Variants in XIRP2 observed in about 807,000 individuals in gnomAD.
XIRP2 encodes the protein xin actin binding repeat containing 2.
Under a neutral mutation model 277.0 loss-of-function variants are expected in XIRP2, and 236 were observed. The ratio of observed to expected loss-of-function variants is 0.85; its 90% CI spans 0.77 to 0.95. The LOEUF (loss-of-function observed/expected upper bound fraction) is 0.95, where lower values mean the gene tolerates loss of function less well. Among genes scored for constraint, XIRP2 ranks in the 40% least tolerant of loss-of-function variants. The pLI, the probability that XIRP2 is intolerant of heterozygous loss-of-function variation, is 0.00. For synonymous variants in XIRP2, 1,490 were observed against 1,416.5 expected, an observed-to-expected ratio of 1.05 and a Z score of -1.17; for missense variants, 4,640 against 4,157.5, an observed-to-expected ratio of 1.12 and a Z score of -3.19.
rs1695340930 is a variant in XIRP2, at chr2:167,248,144, A to G, written c.6752A>G (p.Gln2251Arg). The G allele has an allele frequency of 1.2e-6, 2 of 1,613,704 alleles. No homozygotes were observed. Among genetic ancestry groups the G allele is most frequent in the Non-Finnish European group, 1.7e-6 (2 of 1,179,812 alleles). ...GAGACTGATGTTCACTTGAAAAGCC[A>G]GGACTTTCTAATGAAAACAAATACT... Reference protein sequence around the residue: ...KRETDVHLKSQDFLMKTNTST... With the variant: ...KRETDVHLKSRDFLMKTNTST... The change falls in exon 9 of 11, where the codon CAG becomes CGG. Residue 2251 changes from glutamine (Q) to arginine (R), a missense_variant. Coordinates refer to ENST00000409195, the MANE Select transcript of XIRP2 (RefSeq NM_152381.6).
chr2:166,954,797 A>G (rs955592734), intron 2 of XIRP2, among the ~76,000 whole-genome samples: 4 of 151,962 alleles, frequency 2.6e-5, no homozygotes, highest in African/African-American at 7.2e-5. Context: ...CATTATCTTC[A>G]GCAAACTAAT....
intron 2 of XIRP2, among the ~76,000 whole-genome samples, chr2:167,093,908 G>T (rs754082479): frequency 6.6e-6 from 1 of 152,044 alleles, no homozygotes; most frequent in Non-Finnish European, 1.5e-5. Context: ...TTCCCCACTG[G>T]TTCAACTAAT....
intron 3 of XIRP2, among the ~76,000 whole-genome samples, chr2:167,150,516 G>A (rs1257829639): frequency 6.6e-6 from 1 of 151,974 alleles, no homozygotes; most frequent in African/African-American, 2.4e-5. Flanking sequence ...AATTACATAA[G>A]CGAATGACTG....
chr2:167,213,111 A>C (rs1694103183), intron 4 of XIRP2, among the ~76,000 whole-genome samples: 1 of 152,170 alleles, frequency 6.6e-6, no homozygotes, highest in Non-Finnish European at 1.5e-5. Flanking sequence ...ATCAGATGGC[A>C]TTTGGTTGTA....
At chr2:167,027,813 TA>T (rs1688216016) in intron 2 of XIRP2, among the ~76,000 whole-genome samples, 1 of 152,044 alleles carries the variant, frequency 6.6e-6, no homozygotes, top group Non-Finnish European at 1.5e-5. Context: ...AGAGAAGAAA[TA>T]ATTACTACTA....
At chr2:166,939,692 A>AAAC (rs1553471893) in intron 2 of XIRP2, among the ~76,000 whole-genome samples, 6 of 133,406 alleles carry the variant, frequency 4.5e-5, no homozygotes, top group African/African-American at 1.6e-4. Flanking sequence ...AAAAAAAAAA[A>AAAC]AAAAAACAAA....
intron 9 of XIRP2, 35 bp downstream of exon 9, chr2:167,251,982 C>T (rs754529699): frequency 2.6e-6 from 4 of 1,517,952 alleles, no homozygotes; most frequent in South Asian, 1.4e-5. Context: ...AGAAGATTAA[C>T]CATTTAAAGG....
Position 166,903,447 on chromosome 2 carries a change from G to C in XIRP2, c.-18-18G>C. 6.3e-7 allele frequency: 1 copy of C among 1,578,438 alleles called. No homozygotes were observed. Among genetic ancestry groups the C allele is most frequent in the Non-Finnish European group, 8.6e-7 (1 of 1,160,752 alleles). ...ACTCCTGAGTGTATCACTGATAAAA[G>C]GATTCTTGATATTGCAGGACAACCT... On this transcript the variant is annotated intron_variant, in intron 1 of 10. Transcript: ENST00000409195.
intron 1 of XIRP2, among the ~76,000 whole-genome samples, chr2:166,892,836 G>T (rs538370319): frequency 6.8e-6 from 1 of 147,214 alleles, no homozygotes; most frequent in African/African-American, 2.5e-5. Context: ...TAACTTCTAT[G>T]ATATGTTATA....
intron 2 of XIRP2, among the ~76,000 whole-genome samples, chr2:167,011,987 C>T (rs542495734): frequency 1.8e-4 from 28 of 151,744 alleles, no homozygotes; most frequent in African/African-American, 4.8e-4. Context: ...GTCTTGCTAG[C>T]GGTCTATCAA....
At chr2:167,118,156 C>G (rs193045228) in intron 2 of XIRP2, among the ~76,000 whole-genome samples, 61 of 152,182 alleles carry the variant, frequency 4.0e-4, no homozygotes, top group Admixed American at 1.8e-3. Context: ...GGTCATAAGG[C>G]CACCACCTTT....
chr2:167,114,081 G>A (rs1690830154), intron 2 of XIRP2, among the ~76,000 whole-genome samples: 1 of 151,998 alleles, frequency 6.6e-6, no homozygotes, highest in Non-Finnish European at 1.5e-5. Context: ...TTTCAATCTT[G>A]AAGAATTTCA....
At chr2:166,979,514 G>T (rs974157413) in intron 2 of XIRP2, among the ~76,000 whole-genome samples, 7 of 143,016 alleles carry the variant, frequency 4.9e-5, no homozygotes, top group Non-Finnish European at 1.1e-4. Flanking sequence ...TAAGAGTAGG[G>T]TTTTTTTTTT....
chr2:167,116,107 T>C (rs1250155332), intron 2 of XIRP2, among the ~76,000 whole-genome samples: 1 of 152,198 alleles, frequency 6.6e-6, no homozygotes, highest in Non-Finnish European at 1.5e-5. Flanking sequence ...ATGTTTATTT[T>C]GCCTTTCTTG....
intron 2 of XIRP2, among the ~76,000 whole-genome samples, chr2:167,117,911 A>G (rs1407029447): frequency 6.6e-6 from 1 of 152,218 alleles, no homozygotes; most frequent in African/African-American, 2.4e-5. Flanking sequence ...ACTTTCCGGT[A>G]AGTTGTCTCT....
intron 2 of XIRP2, among the ~76,000 whole-genome samples, chr2:167,059,064 T>C (rs1189821652): frequency 2.0e-5 from 3 of 151,592 alleles, no homozygotes; most frequent in African/African-American, 7.3e-5. Context: ...TTTTTAAAGT[T>C]GGTAAGCATT....
intron 2 of XIRP2, among the ~76,000 whole-genome samples, chr2:167,105,525 A>C (rs1354343288): frequency 6.6e-6 from 1 of 151,958 alleles, no homozygotes; most frequent in Admixed American, 6.6e-5. Context: ...CATGATATAG[A>C]CATACCAGAT....
intron 2 of XIRP2, among the ~76,000 whole-genome samples, chr2:166,909,732 A>C (rs1261921846): frequency 1.3e-5 from 2 of 152,232 alleles, no homozygotes; most frequent in East Asian, 3.8e-4. Context: ...TTGCCCATTT[A>C]GTATGATATT....
intron 5 of XIRP2, among the ~76,000 whole-genome samples, chr2:167,229,162 G>T (rs1414280035): frequency 6.6e-6 from 1 of 152,068 alleles, no homozygotes; most frequent in Non-Finnish European, 1.5e-5. Flanking sequence ...TTGACATAAT[G>T]GAATTTTATA....
Sources: allele counts gnomAD v4.1 joint callset (sites outside exome capture counted in the v4.1 genomes callset), GRCh38; gene constraint gnomAD v4.1.1; transcripts MANE v1.5; gene names NCBI Gene and HGNC (gene_info 2026-07-23, HGNC 2026-07-21).